The following KCNH5 variants were observed in gnomAD, a reference collection of about 807,000 sequenced individuals.
The protein encoded by KCNH5 is potassium voltage-gated channel subfamily H member 5.
A neutral mutation model predicts 96.1 loss-of-function variants in KCNH5; 46 were observed. The observed-to-expected ratio is 0.48, with a 90% CI of 0.38 to 0.61. The LOEUF (loss-of-function observed/expected upper bound fraction) is 0.61, where lower values mean the gene tolerates loss of function less well. Ranked by LOEUF, KCNH5 falls within the 20% of genes least tolerant of loss-of-function variation. The pLI is 0.00. For synonymous variants in KCNH5, 439 were observed against 449.8 expected, an observed-to-expected ratio of 0.98 and a Z score of 0.30; for missense variants, 907 against 1,225.8, an observed-to-expected ratio of 0.74 and a Z score of 3.88.
At chr14:62,967,750 TA>T (rs1290506428) in intron 6 of KCNH5, among the ~76,000 whole-genome samples, 2 of 152,232 alleles carry the variant, frequency 1.3e-5, no homozygotes, top group East Asian at 3.9e-4. Flanking sequence ...AGAAAGACAA[TA>T]AACAGTAACC....
chr14:62,736,762 A>T (rs1386442306), intron 10 of KCNH5, among the ~76,000 whole-genome samples: 1 of 152,216 alleles, frequency 6.6e-6, no homozygotes, highest in Non-Finnish European at 1.5e-5. Context: ...ATTGGCCAGA[A>T]GTCCGTCTCA....
chr14:62,742,122 C>G (rs566863707), intron 10 of KCNH5, among the ~76,000 whole-genome samples: 28 of 152,126 alleles, frequency 1.8e-4, no homozygotes, highest in African/African-American at 6.3e-4. Context: ...GAGAGTACAA[C>G]ATATTTTAGA....
intron 2 of KCNH5, among the ~76,000 whole-genome samples, chr14:63,009,892 T>C (rs78474278): frequency 0.012 from 1,860 of 152,302 alleles, 31 homozygotes; most frequent in African/African-American, 0.032. Flanking sequence ...GGTCACAAAT[T>C]ATAGAAATAG....
intron 7 of KCNH5, among the ~76,000 whole-genome samples, chr14:62,937,914 A>T (rs1889715267): frequency 6.6e-6 from 1 of 152,182 alleles, no homozygotes; most frequent in Non-Finnish European, 1.5e-5. Flanking sequence ...TTGGGGAAAC[A>T]GACCTATGAA....
intron 10 of KCNH5, among the ~76,000 whole-genome samples, chr14:62,741,251 T>C (rs1885265230): frequency 6.6e-6 from 1 of 152,254 alleles, no homozygotes. Flanking sequence ...CGATACTATA[T>C]TTTCAGATAA....
intron 9 of KCNH5, among the ~76,000 whole-genome samples, chr14:62,783,215 C>T (rs971871319): frequency 6.6e-6 from 1 of 152,166 alleles, no homozygotes; most frequent in Non-Finnish European, 1.5e-5. Context: ...CACATACATG[C>T]ACACAAAGCA....
chr14:63,007,251 C>T (rs944566929), intron 2 of KCNH5, among the ~76,000 whole-genome samples: 2 of 152,032 alleles, frequency 1.3e-5, no homozygotes, highest in Non-Finnish European at 2.9e-5. Context: ...AAAAACCCTC[C>T]TTATTAAAGG....
chr14:62,915,960 CTT>C (rs71451285), intron 7 of KCNH5, among the ~76,000 whole-genome samples: 3 of 136,150 alleles, frequency 2.2e-5, no homozygotes, highest in Admixed American at 7.4e-5. Context: ...TCTTTTTTTT[CTT>C]TTTTTTTTTT....
At chr14:62,980,721 G>T in intron 6 of KCNH5, 151 bp downstream of exon 6, 2 of 720,684 alleles carry the variant, frequency 2.8e-6, no homozygotes, top group South Asian at 2.0e-5. Flanking sequence ...CTAATTTAAG[G>T]TAATCAAATA....
intron 1 of KCNH5, among the ~76,000 whole-genome samples, chr14:63,035,852 A>G (rs1278416573): frequency 6.6e-6 from 1 of 152,152 alleles, no homozygotes; most frequent in Non-Finnish European, 1.5e-5. Context: ...ATGATCCACT[A>G]CATCTGGGGC....
Position 62,708,362 on chromosome 14 carries a change from G to A in KCNH5, c.2113C>T (p.Pro705Ser), listed in dbSNP as rs779351996. ...AACTTCTGGAAGAGCTTTCTGACTG[G>A]GTGGTCCACGGGAATGCTGAGGGTC... ...EVTLSIPVDHPVRKLFQKFKQ... is the reference protein window; with the variant it reads ...EVTLSIPVDHSVRKLFQKFKQ... The change falls in exon 11 of 11, where the codon CCA (proline) becomes TCA (serine). Residue 705 changes from proline (P) to serine (S), a missense_variant. Physicochemically the swap from Pro to Ser is moderately conservative, Grantham distance 74. Transcript: ENST00000322893. 2 of 1,613,934 alleles carry A rather than the reference G, an allele frequency of 1.2e-6. No individual in the cohort carries two copies. Among genetic ancestry groups the A allele is most frequent in the Non-Finnish European group, 1.7e-6 (2 of 1,180,018 alleles).
chr14:62,739,683 G>C (rs1382016381), intron 10 of KCNH5, among the ~76,000 whole-genome samples: 2 of 152,086 alleles, frequency 1.3e-5, no homozygotes, highest in African/African-American at 4.8e-5. Flanking sequence ...CTGTTGTACA[G>C]ACCAAAACAC....
At chr14:62,728,379 T>C (rs1220272905) in intron 10 of KCNH5, among the ~76,000 whole-genome samples, 6 of 127,784 alleles carry the variant, frequency 4.7e-5, no homozygotes, top group South Asian at 3.1e-4. Context: ...AGAGCAAGAT[T>C]CTGTCTCAAA....
chr14:63,043,225 A>C (rs187722383), intron 1 of KCNH5, among the ~76,000 whole-genome samples: 48 of 152,294 alleles, frequency 3.2e-4, no homozygotes, highest in Admixed American at 1.7e-3. Context: ...CTTCAACCAC[A>C]GTTGCTATAT....
chr14:62,872,967 A>C (rs1888287793), intron 7 of KCNH5, among the ~76,000 whole-genome samples: 1 of 152,054 alleles, frequency 6.6e-6, no homozygotes, highest in Admixed American at 6.6e-5. Flanking sequence ...TAGCTAACAC[A>C]GTGAAACTCC....
chr14:62,983,993 GCAA>G (rs1341969762), intron 5 of KCNH5, among the ~76,000 whole-genome samples: 2 of 152,140 alleles, frequency 1.3e-5, no homozygotes, highest in East Asian at 1.9e-4. Flanking sequence ...GAGGAAAATG[GCAA>G]CAACAAAAAA....
intron 7 of KCNH5, among the ~76,000 whole-genome samples, chr14:62,935,432 G>T (rs903362198): frequency 2.0e-5 from 3 of 152,140 alleles, no homozygotes; most frequent in Non-Finnish European, 4.4e-5. Context: ...TAGAGACCAT[G>T]ATGAAGAAAT....
intron 4 of KCNH5, among the ~76,000 whole-genome samples, chr14:62,999,025 AT>A (rs1245952990): frequency 6.6e-6 from 1 of 152,166 alleles, no homozygotes. Flanking sequence ...CAGCAGCATG[AT>A]TTATAGTCCT....
At chr14:62,913,382 C>A (rs1566705738) in intron 7 of KCNH5, among the ~76,000 whole-genome samples, 1 of 151,558 alleles carries the variant, frequency 6.6e-6, no homozygotes, top group Non-Finnish European at 1.5e-5. Context: ...CACGTGCCAG[C>A]ATGCCCGGCT....
Sources: allele counts gnomAD v4.1 joint callset (sites outside exome capture counted in the v4.1 genomes callset), GRCh38; gene constraint gnomAD v4.1.1; transcripts MANE v1.5; gene names NCBI Gene and HGNC (gene_info 2026-07-23, HGNC 2026-07-21).